RASGRP3: variants seen among roughly 807,000 people sequenced by gnomAD.
The protein encoded by RASGRP3 is RAS guanyl releasing protein 3, also known as ras guanyl-releasing protein 3.
Under a neutral mutation model 82.7 loss-of-function variants are expected in RASGRP3, and 54 were observed. The observed-to-expected ratio is 0.65, with a 90% CI of 0.52 to 0.82. The LOEUF (loss-of-function observed/expected upper bound fraction) is 0.82, where lower values mean the gene tolerates loss of function less well. RASGRP3 is among the 40% of genes least tolerant of loss of function. The pLI, the probability that RASGRP3 is intolerant of heterozygous loss-of-function variation, is 0.00. For synonymous variants in RASGRP3, 309 were observed against 300.5 expected (o/e 1.03, Z -0.29); for missense variants, 861 against 828.9 (o/e 1.04, Z -0.48).
At position 33,520,061 on chromosome 2, in the gene RASGRP3, A is replaced by G. The variant is rs560604374; in HGVS notation, c.236+47A>G. 1.6e-5 allele frequency: 23 copies of G among 1,437,890 alleles called. No homozygotes were observed. The East Asian group carries it at 5.2e-4, about 32-fold the overall frequency. The allele number at this position is 1,437,890 out of a possible 1,614,324, so 89.1% of individuals were successfully genotyped here. On this transcript the variant is annotated intron_variant, in intron 5 of 17. Coordinates refer to ENST00000403687, the MANE Select transcript of RASGRP3 (RefSeq NM_001139488.2). The stretch of plus-strand genomic sequence containing the variant: ...ATTTCTTGTAGTTTCTGGTTCTGGA[A>G]TCGTGGACAATTTCCTTTTCCCCAA...
intron 1 of RASGRP3, among the ~76,000 whole-genome samples, chr2:33,497,839 G>C (rs1002663191): frequency 1.3e-5 from 2 of 152,034 alleles, no homozygotes; most frequent in African/African-American, 4.8e-5. Flanking sequence ...CCAAAATAAT[G>C]AATAATACAG....
intron 1 of RASGRP3, among the ~76,000 whole-genome samples, chr2:33,438,417 C>G (rs532022765): frequency 1.9e-4 from 29 of 152,144 alleles, no homozygotes; most frequent in Non-Finnish European, 3.5e-4. Flanking sequence ...ACAAAATTAG[C>G]TGGGCGTGGT....
At chr2:33,447,897 C>T (rs939297564) in exon 2 of RASGRP3, 1 of 152,230 alleles carries the variant, frequency 6.6e-6, no homozygotes, top group Non-Finnish European at 1.5e-5. Context: ...TGCGGCACCC[C>T]TCTGATGACC....
upstream of RASGRP3, among the ~76,000 whole-genome samples, chr2:33,476,004 A>G (rs1410999270): frequency 2.0e-5 from 3 of 152,196 alleles, no homozygotes; most frequent in Non-Finnish European, 4.4e-5. Context: ...TCTTCAGATA[A>G]AGCTGCCTTT....
intron 6 of RASGRP3, among the ~76,000 whole-genome samples, chr2:33,521,530 G>A (rs1252659508): frequency 1.3e-5 from 2 of 152,224 alleles, no homozygotes; most frequent in African/African-American, 4.8e-5. Context: ...CTCTGGCAGC[G>A]AGGCCCAGGC....
Position 33,558,674 on chromosome 2 carries a change from C to A in RASGRP3, c.1708C>A (p.Gln570Lys). ...TCACCACCCTTTTTCACTTCCAGCGCAGGATGAGGTGTTTGAGTTCCCTGG... is the reference window on the plus strand; with the variant it reads ...TCACCACCCTTTTTCACTTCCAGCGAAGGATGAGGTGTTTGAGTTCCCTGG... ...LPGSPSLPPA[Q>K]DEVFEFPGVT... Residue 570 changes from glutamine (Q) to lysine (K), a missense_variant and splice_region_variant, in exon 17 of 18, where the codon CAG becomes AAG. Gln to Lys is a moderately conservative substitution (Grantham distance 53). Transcript: ENST00000403687. The A allele has an allele frequency of 6.3e-7, 1 of 1,590,620 alleles. No individual in the cohort carries two copies. Among genetic ancestry groups the A allele is most frequent in the South Asian group, 1.1e-5 (1 of 87,060 alleles).
intron 12 of RASGRP3, among the ~76,000 whole-genome samples, chr2:33,543,256 C>G (rs946768218): frequency 6.6e-6 from 1 of 152,194 alleles, no homozygotes; most frequent in Non-Finnish European, 1.5e-5. Context: ...CTCAAGTGAT[C>G]TTCCCACCTC....
upstream of RASGRP3, among the ~76,000 whole-genome samples, chr2:33,474,814 T>C (rs944524079): frequency 2.6e-5 from 4 of 152,200 alleles, no homozygotes; most frequent in Non-Finnish European, 5.9e-5. Flanking sequence ...TCTTTATAAA[T>C]TACCCAGTCT....
chr2:33,472,874 A>AAG (rs1423317459), upstream of RASGRP3, among the ~76,000 whole-genome samples: 1 of 151,280 alleles, frequency 6.6e-6, no homozygotes, highest in Non-Finnish European at 1.5e-5. Flanking sequence ...CCGTCTCAAA[A>AAG]AAAAAAAAAA....
At chr2:33,466,766 A>G (rs573461487) in intron 2 of RASGRP3, among the ~76,000 whole-genome samples, 129 of 152,268 alleles carry the variant, frequency 8.5e-4, no homozygotes, top group Non-Finnish European at 1.6e-3. Flanking sequence ...AACAGACTAC[A>G]GTATACTATA....
chr2:33,480,653 C>A (rs1271365963), intron 1 of RASGRP3, among the ~76,000 whole-genome samples: 1 of 152,208 alleles, frequency 6.6e-6, no homozygotes, highest in Non-Finnish European at 1.5e-5. Flanking sequence ...TTCTGGGATA[C>A]AATGCCTATT....
rs757579464 is a variant in RASGRP3 at position 33,516,607 on chromosome 2, T to G, written c.136T>G (p.Leu46Val). The change falls in exon 4 of 18, where the codon TTA becomes GTA. Residue 46 changes from leucine to valine, a missense_variant. Leu to Val is a conservative substitution (Grantham distance 32). Transcript: ENST00000403687. The part of the protein sequence containing the change: ...RIVLLMHRWY[L>V]SSTELAEKLL... ...AGTTCTACTGATGCACCGATGGTATTTATCTTCCACTGAATTGGCAGAAAA... is the reference window on the plus strand; with the variant it reads ...AGTTCTACTGATGCACCGATGGTATGTATCTTCCACTGAATTGGCAGAAAA... The G allele has an allele frequency of 6.3e-7, 1 of 1,591,460 alleles. No homozygotes were observed. Among genetic ancestry groups the G allele is most frequent in the South Asian group, 1.1e-5 (1 of 88,172 alleles).
intron 2 of RASGRP3, chr2:33,513,725 G>C (rs1671155737): frequency 6.6e-6 from 1 of 152,206 alleles, no homozygotes; most frequent in East Asian, 1.9e-4. Flanking sequence ...CGATGCTTTT[G>C]AGTATAAGCA....
chr2:33,443,731 AAT>A (rs1491256738), intron 1 of RASGRP3, among the ~76,000 whole-genome samples: 3 of 150,412 alleles, frequency 2.0e-5, no homozygotes, highest in Admixed American at 1.3e-4. Context: ...AAAAAAAAAA[AAT>A]AGCTGGGCAT....
intron 17 of RASGRP3, among the ~76,000 whole-genome samples, chr2:33,561,182 T>A (rs1291717799): frequency 2.6e-5 from 4 of 152,044 alleles, no homozygotes; most frequent in African/African-American, 4.8e-5. Flanking sequence ...TTCTCCTGCC[T>A]CAGCCTCCCA....
At chr2:33,467,664 G>C (rs1666779865) in intron 2 of RASGRP3, among the ~76,000 whole-genome samples, 1 of 152,202 alleles carries the variant, frequency 6.6e-6, no homozygotes, top group Non-Finnish European at 1.5e-5. Context: ...AGCTTGTGTG[G>C]AATTTGGTGT....
chr2:33,555,439 C>A, intron 14 of RASGRP3, 92 bp from the exon 15 acceptor site: 1 of 1,173,178 alleles, frequency 8.5e-7, no homozygotes, highest in Non-Finnish European at 1.2e-6. Flanking sequence ...CTGGCCAGTC[C>A]TGAAGCTTCC....
intron 2 of RASGRP3, among the ~76,000 whole-genome samples, chr2:33,461,605 A>G (rs899651892): frequency 1.3e-5 from 2 of 152,222 alleles, no homozygotes; most frequent in Non-Finnish European, 2.9e-5. Flanking sequence ...TGCGTTTCTG[A>G]AAGTGCTTTC....
chr2:33,543,207 G>A (rs186110812), intron 12 of RASGRP3, among the ~76,000 whole-genome samples: 192 of 152,140 alleles, frequency 1.3e-3, no homozygotes, highest in Non-Finnish European at 2.2e-3. Context: ...TAGCAATGAG[G>A]TCTCTCTATA....
Sources: gnomAD v4.1 joint callset for allele counts (sites outside exome capture counted in the v4.1 genomes callset) on GRCh38, gnomAD v4.1.1 for gene constraint, MANE v1.5 for transcripts, NCBI Gene and HGNC (gene_info 2026-07-23, HGNC 2026-07-21) for gene names.